Variants in LRP12 observed in about 807,000 individuals in gnomAD.
LRP12 encodes the protein LDL receptor related protein 12.
LRP12 carries 14 observed loss-of-function variants against 66.0 expected under a neutral mutation model. The observed-to-expected ratio is 0.21, with a 90% CI of 0.14 to 0.33. LRP12 has a LOEUF of 0.33. LRP12 is among the 10% of genes least tolerant of loss of function. LRP12 has a pLI of 1.00. For missense variants in LRP12, 889 were observed against 1,053.4 expected (o/e 0.84, Z 2.16); for synonymous variants, 357 against 359.1 (o/e 0.99, Z 0.07).
Position 104,489,756 on chromosome 8 carries a change from T to G in LRP12, c.*917A>C, listed in dbSNP as rs1017557217. 2.0e-5 allele frequency: 3 copies of G among 152,426 alleles called. No individual in the cohort carries two copies. Among genetic ancestry groups the G allele is most frequent in the Non-Finnish European group, 4.4e-5 (3 of 68,022 alleles). 9.4% of individuals were successfully genotyped at this position (152,426 alleles called of 1,614,324 possible). A position where few individuals can be genotyped will look rare whatever the true frequency, so the allele number is the denominator to read the frequency against. On this transcript the variant is annotated 3_prime_UTR_variant, in exon 7 of 7. Coordinates refer to ENST00000276654, the MANE Select transcript of LRP12 (RefSeq NM_013437.5). ...TGGTAGCAAATAATAGTATTTAAAG[T>G]GATAGTGCTTGTGCACTAAGCTCAT... is the stretch of plus-strand genomic sequence containing the variant.
intron 3 of LRP12, among the ~76,000 whole-genome samples, chr8:104,503,131 T>G (rs1296937550): frequency 6.6e-6 from 1 of 152,138 alleles, no homozygotes; most frequent in Non-Finnish European, 1.5e-5. Context: ...CTAAGCTATC[T>G]TGGTGTTTCC....
At chr8:104,520,945 T>C (rs779208029) in intron 2 of LRP12, among the ~76,000 whole-genome samples, 7 of 152,036 alleles carry the variant, frequency 4.6e-5, no homozygotes, top group Non-Finnish European at 8.8e-5. Context: ...CTCAATGAAA[T>C]GGATATATCC....
intron 3 of LRP12, chr8:104,507,318 T>G (rs1173483438): frequency 4.6e-5 from 7 of 152,198 alleles, no homozygotes; most frequent in Non-Finnish European, 1.0e-4. Context: ...ATTCAGGAAA[T>G]TTTCCTTTAG....
At chr8:104,507,049 T>G (rs1163899928) in intron 3 of LRP12, 1 of 152,182 alleles carries the variant, frequency 6.6e-6, no homozygotes, top group Admixed American at 6.5e-5. Context: ...GTTTACATGG[T>G]AAGTTAATTT....
intron 1 of LRP12, among the ~76,000 whole-genome samples, chr8:104,542,009 T>C (rs1210839909): frequency 6.6e-6 from 1 of 152,196 alleles, no homozygotes; most frequent in Admixed American, 6.5e-5. Flanking sequence ...ATCTTTAGTA[T>C]GTAGAGAGAG....
At chr8:104,506,204 G>T (rs1281178755) in intron 3 of LRP12, 1 of 151,914 alleles carries the variant, frequency 6.6e-6, no homozygotes, top group African/African-American at 2.4e-5. Flanking sequence ...GTAATGCTAT[G>T]TATTTTTTTT....
At chr8:104,509,155 A>G in intron 2 of LRP12, 81 bp from the exon 3 acceptor site, 1 of 1,340,966 alleles carries the variant, frequency 7.5e-7, no homozygotes. Flanking sequence ...TTTTTTAAAA[A>G]CCAAAAAACT....
At chr8:104,551,399 G>A (rs1302630470) in intron 1 of LRP12, among the ~76,000 whole-genome samples, 1 of 152,094 alleles carries the variant, frequency 6.6e-6, no homozygotes, top group Non-Finnish European at 1.5e-5. Context: ...GATACTGGGG[G>A]TATATGTGCA....
chr8:104,548,601 A>ATTATATAATTAAATTAATTATATAATTC (rs1348123459), intron 1 of LRP12, among the ~76,000 whole-genome samples: 1 of 113,050 alleles, frequency 8.8e-6, no homozygotes, highest in Non-Finnish European at 1.7e-5. Flanking sequence ...ATAATATAGA[A>ATTATATAATTAAATTAATTATATAATTC]TTATATAATT....
chr8:104,493,025 A>G (rs1314641088), intron 6 of LRP12, among the ~76,000 whole-genome samples: 2 of 152,238 alleles, frequency 1.3e-5, no homozygotes, highest in Admixed American at 6.5e-5. Context: ...TTAGCCATCA[A>G]GATCAACAAT....
chr8:104,495,304 G>A, intron 5 of LRP12, 95 bp from the exon 6 acceptor site: 1 of 1,222,830 alleles, frequency 8.2e-7, no homozygotes, highest in Non-Finnish European at 1.2e-6. Flanking sequence ...CTGAGTCTTG[G>A]CATATTTGAT....
At chr8:104,561,419 T>C (rs1304881607) in intron 1 of LRP12, among the ~76,000 whole-genome samples, 1 of 152,206 alleles carries the variant, frequency 6.6e-6, no homozygotes, top group African/African-American at 2.4e-5. Context: ...CATGACCATA[T>C]GTCTAATGCT....
intron 1 of LRP12, among the ~76,000 whole-genome samples, chr8:104,571,287 T>C (rs1397120004): frequency 6.6e-6 from 1 of 152,128 alleles, no homozygotes; most frequent in African/African-American, 2.4e-5. Flanking sequence ...TATTAGGAAG[T>C]GGGCAGCACA....
intron 1 of LRP12, among the ~76,000 whole-genome samples, chr8:104,578,992 C>G (rs899826183): frequency 6.6e-6 from 1 of 152,078 alleles, no homozygotes; most frequent in South Asian, 2.1e-4. Flanking sequence ...TGGGCAAAAG[C>G]TGGAAGCATG....
intron 6 of LRP12, among the ~76,000 whole-genome samples, chr8:104,492,469 A>AAAATTT (rs1452464952): frequency 6.6e-6 from 1 of 152,154 alleles, no homozygotes; most frequent in African/African-American, 2.4e-5. Flanking sequence ...CCTGGCATTT[A>AAAATTT]GTATTTAAAA....
At chr8:104,563,966 G>A (rs1811955398) in intron 1 of LRP12, among the ~76,000 whole-genome samples, 1 of 152,174 alleles carries the variant, frequency 6.6e-6, no homozygotes, top group South Asian at 2.1e-4. Context: ...CTGGCTCATA[G>A]TAACTACTAT....
At chr8:104,541,402 A>G (rs1380348545) in intron 1 of LRP12, among the ~76,000 whole-genome samples, 4 of 152,218 alleles carry the variant, frequency 2.6e-5, no homozygotes, top group Admixed American at 2.6e-4. Flanking sequence ...GTTCCTACCT[A>G]TGACTGTGGT....
chr8:104,546,540 T>C (rs1811559888), intron 1 of LRP12, among the ~76,000 whole-genome samples: 1 of 152,088 alleles, frequency 6.6e-6, no homozygotes, highest in Admixed American at 6.6e-5. Context: ...CGTCCCCACA[T>C]TATGGATGCG....
In LRP12 at chr8:104,491,601, A is replaced by AAC. The variant is rs1554705779; in HGVS notation, c.1714-63_1714-62insGT. On this transcript the variant is annotated intron_variant, in intron 6 of 6. Coordinates refer to ENST00000276654, the MANE Select transcript of LRP12 (RefSeq NM_013437.5). Reference sequence around the variant, plus strand: ...ACAAGGTACTAAGATAAAAAAAAAAAAAAACACCCTTCTATTAAGAATGTG... The same window carrying AAC: ...ACAAGGTACTAAGATAAAAAAAAAAAACAAAACACCCTTCTATTAAGAATGTG... 397 of 1,312,622 alleles carry AAC rather than the reference A, an allele frequency of 3.0e-4. 1 individual carries two copies. Among genetic ancestry groups the AAC allele is most frequent in the Admixed American group, 6.7e-4 (26 of 39,096 alleles). 81.3% of individuals were successfully genotyped at this position (1,312,622 alleles called of 1,614,324 possible).
Sources: allele counts gnomAD v4.1 joint callset (sites outside exome capture counted in the v4.1 genomes callset), GRCh38; gene constraint gnomAD v4.1.1; transcripts MANE v1.5; gene names NCBI Gene and HGNC (gene_info 2026-07-23, HGNC 2026-07-21).